RIN3: variants seen among roughly 807,000 people sequenced by gnomAD.
The protein encoded by RIN3 is Ras and Rab interactor 3, also known as RAB5 interacting protein 3.
In RIN3, 54 loss-of-function variants were observed where a neutral mutation model predicts 76.3. The ratio of observed to expected loss-of-function variants is 0.71; its 90% CI spans 0.57 to 0.89. RIN3 has a LOEUF of 0.89. Ranked by LOEUF, RIN3 falls within the 40% of genes least tolerant of loss-of-function variation. The probability of loss-of-function intolerance (pLI) is 0.00; values close to 1 mark genes in which losing one functional copy is unlikely to be tolerated. For synonymous variants in RIN3, 576 were observed against 564.0 expected (o/e 1.02, Z -0.30); for missense variants, 1,256 against 1,322.1 (o/e 0.95, Z 0.78).
chr14:92,544,543 T>C (rs1897210257), intron 1 of RIN3, among the ~76,000 whole-genome samples: 1 of 152,006 alleles, frequency 6.6e-6, no homozygotes, highest in South Asian at 2.1e-4. Context: ...ACTCTCTGAC[T>C]TCTGAACTGA....
chr14:92,665,276 T>A (rs1462958722), intron 7 of RIN3, among the ~76,000 whole-genome samples: 1 of 152,052 alleles, frequency 6.6e-6, no homozygotes, highest in Non-Finnish European at 1.5e-5. Flanking sequence ...AAGTCTGGCA[T>A]TATGATCTCA....
At chr14:92,642,701 T>G (rs1887060081) in intron 5 of RIN3, among the ~76,000 whole-genome samples, 1 of 152,206 alleles carries the variant, frequency 6.6e-6, no homozygotes, top group African/African-American at 2.4e-5. Context: ...AGACACCCCT[T>G]GGTTCCCAAG....
chr14:92,659,527 C>A, intron 7 of RIN3, 58 bp downstream of exon 7: 1 of 1,470,642 alleles, frequency 6.8e-7, no homozygotes, highest in Non-Finnish European at 9.2e-7. Context: ...GGGTCCATGA[C>A]CCCACCCTGA....
chr14:92,555,616 T>A (rs1897554069), intron 1 of RIN3, 135 bp from the exon 2 acceptor site: 1 of 821,596 alleles, frequency 1.2e-6, no homozygotes, highest in Non-Finnish European at 1.9e-6. Context: ...GTTTGTTGAT[T>A]TTTTTTTAAT....
chr14:92,531,587 G>A (rs1049128117), intron 1 of RIN3, among the ~76,000 whole-genome samples: 1 of 152,190 alleles, frequency 6.6e-6, no homozygotes, highest in African/African-American at 2.4e-5. Context: ...GGCCTGGGGT[G>A]GGCACATGAT....
chr14:92,563,683 G>T (rs1185861253), intron 2 of RIN3, among the ~76,000 whole-genome samples: 1 of 152,046 alleles, frequency 6.6e-6, no homozygotes, highest in Non-Finnish European at 1.5e-5. Flanking sequence ...TTTTTCTTTT[G>T]GAGTGGGCCT....
intron 1 of RIN3, among the ~76,000 whole-genome samples, chr14:92,555,442 A>G (rs886563289): frequency 6.6e-6 from 1 of 152,130 alleles, no homozygotes; most frequent in African/African-American, 2.4e-5. Flanking sequence ...CCGGTTTAAG[A>G]GATCCCAGAC....
intron 9 of RIN3, chr14:92,686,128 G>A (rs1888849756): frequency 6.6e-6 from 1 of 152,332 alleles, no homozygotes; most frequent in South Asian, 2.1e-4. Flanking sequence ...TCACTCCTCT[G>A]ACACCCAGAG....
At chr14:92,633,083 T>G (rs1457170379) in intron 4 of RIN3, among the ~76,000 whole-genome samples, 1 of 152,006 alleles carries the variant, frequency 6.6e-6, no homozygotes, top group Non-Finnish European at 1.5e-5. Context: ...CCTGGCCCTA[T>G]GCGGAGGTGA....
chr14:92,672,558 C>T (rs1888319554), intron 7 of RIN3, among the ~76,000 whole-genome samples: 2 of 152,188 alleles, frequency 1.3e-5, no homozygotes, highest in African/African-American at 2.4e-5. Flanking sequence ...CCTGAAATCA[C>T]AAGCCCTGGC....
rs1896360974 is a variant in RIN3, at chr14:92,513,904, C to G, written c.-29C>G. ...CGCGCGGCCCGGCGCCTGAGCGCCT[C>G]CGTTCCCCGTCCCGGAGCTGCCGGC... On this transcript the variant is annotated 5_prime_UTR_variant, in exon 1 of 10. Transcript: ENST00000216487. 8.0e-7 allele frequency: 1 copy of G among 1,254,752 alleles called. No individual in the cohort carries two copies. The highest frequency in any genetic ancestry group is 4.2e-5 in the Admixed American group (1 of 23,966). 77.7% of individuals were successfully genotyped at this position (1,254,752 alleles called of 1,614,324 possible).
intron 7 of RIN3, 162 bp downstream of exon 7, chr14:92,659,631 C>T: frequency 1.6e-6 from 1 of 634,344 alleles, no homozygotes; most frequent in Non-Finnish European, 2.5e-6. Flanking sequence ...AATTCCTGGG[C>T]CCTCTTGGAG....
intron 1 of RIN3, among the ~76,000 whole-genome samples, chr14:92,522,151 C>T (rs7141239): frequency 0.41 from 62,884 of 151,898 alleles, 15,252 homozygotes; most frequent in Middle Eastern, 0.63. Context: ...TCTGTTCTTC[C>T]GGGCAAGACA....
chr14:92,536,229 CACA>C (rs920731588), intron 1 of RIN3, among the ~76,000 whole-genome samples: 4 of 152,292 alleles, frequency 2.6e-5, no homozygotes, highest in African/African-American at 9.6e-5. Flanking sequence ...TGCCTTTTCA[CACA>C]ACACCTTTGG....
At chr14:92,644,086 G>A (rs769260702) in intron 5 of RIN3, among the ~76,000 whole-genome samples, 2 of 152,040 alleles carry the variant, frequency 1.3e-5, no homozygotes, top group African/African-American at 2.4e-5. Context: ...CCTCAGGGCT[G>A]GGCCTGGTGG....
intron 2 of RIN3, 117 bp from the exon 3 acceptor site, chr14:92,577,243 C>T: frequency 1.5e-6 from 1 of 682,852 alleles, no homozygotes; most frequent in South Asian, 1.6e-5. Context: ...TCCTTGATCT[C>T]CCTAGCCTGC....
chr14:92,546,992 T>TATC (rs1897281307), intron 1 of RIN3, among the ~76,000 whole-genome samples: 1 of 92,578 alleles, frequency 1.1e-5, no homozygotes, highest in Non-Finnish European at 2.4e-5. Context: ...ATTTTTATTT[T>TATC]ATTATTATTA....
intron 4 of RIN3, among the ~76,000 whole-genome samples, chr14:92,628,599 C>T (rs558806372): frequency 8.5e-5 from 13 of 152,264 alleles, no homozygotes. Flanking sequence ...GATAAGGCCA[C>T]GCTTTCCCAT....
intron 4 of RIN3, among the ~76,000 whole-genome samples, chr14:92,637,636 T>TA (rs1174647104): frequency 6.6e-6 from 1 of 151,916 alleles, no homozygotes; most frequent in Non-Finnish European, 1.5e-5. Flanking sequence ...CTTTTCTAAT[T>TA]AAAAAAAATC....
Sources: gnomAD v4.1 joint callset for allele counts (sites outside exome capture counted in the v4.1 genomes callset) on GRCh38, gnomAD v4.1.1 for gene constraint, MANE v1.5 for transcripts, NCBI Gene and HGNC (gene_info 2026-07-23, HGNC 2026-07-21) for gene names.